Variants in CUL5 observed in about 807,000 individuals in gnomAD.
CUL5 encodes the protein cullin 5.
A neutral mutation model predicts 108.8 loss-of-function variants in CUL5; 26 were observed. The observed-to-expected ratio is 0.24, with a 90% CI of 0.18 to 0.33. CUL5 has a LOEUF of 0.33. CUL5 is among the 10% of genes least tolerant of loss of function. The pLI is 1.00. For missense variants in CUL5, 524 were observed against 909.2 expected (o/e 0.58, Z 5.45); for synonymous variants, 334 against 298.0 (o/e 1.12, Z -1.25).
intron 11 of CUL5, 135 bp downstream of exon 11, chr11:108,078,375 A>G (rs1421960619): frequency 2.2e-6 from 1 of 450,644 alleles, no homozygotes; most frequent in Non-Finnish European, 4.0e-6. Flanking sequence ...GCTTTTGGCT[A>G]TTAAAGTTCA....
intron 7 of CUL5, among the ~76,000 whole-genome samples, chr11:108,068,033 A>G (rs970469634): frequency 2.0e-5 from 3 of 151,972 alleles, no homozygotes; most frequent in South Asian, 2.1e-4. Flanking sequence ...GGTTTAAGCA[A>G]TTCTCCTGCC....
intron 1 of CUL5, among the ~76,000 whole-genome samples, chr11:108,017,389 C>CAAAAA (rs71840119): frequency 1.9e-5 from 2 of 102,944 alleles, no homozygotes; most frequent in African/African-American, 8.1e-5. Context: ...GACCCTGTCT[C>CAAAAA]AAAAAAAAAA....
intron 7 of CUL5, among the ~76,000 whole-genome samples, chr11:108,068,507 A>G (rs1863745952): frequency 1.3e-5 from 2 of 152,126 alleles, no homozygotes; most frequent in East Asian, 3.8e-4. Flanking sequence ...CAATGTAGGA[A>G]GAACAGTATA....
Position 108,009,301 on chromosome 11 carries a change from A to G in CUL5, c.-48A>G. On this transcript the variant is annotated 5_prime_UTR_variant, in exon 1 of 19. Coordinates refer to ENST00000393094, the MANE Select transcript of CUL5 (RefSeq NM_003478.6). Reference sequence around the variant, plus strand: ...GGCCTCCGGTCAAGGCCTGGCCGGGAGCGCCACGAATTCTCGCGTCGTCTC... The same window carrying G: ...GGCCTCCGGTCAAGGCCTGGCCGGGGGCGCCACGAATTCTCGCGTCGTCTC... 6 of 1,610,272 alleles carry G rather than the reference A, an allele frequency of 3.7e-6. No homozygotes were observed. Among genetic ancestry groups the G allele is most frequent in the Middle Eastern group, 1.7e-4 (1 of 5,948 alleles).
intron 1 of CUL5, among the ~76,000 whole-genome samples, chr11:108,013,564 C>T (rs1314898955): frequency 6.6e-6 from 1 of 151,862 alleles, no homozygotes; most frequent in Admixed American, 6.6e-5. Flanking sequence ...TGCCAGAGGT[C>T]GTCATCTCCC....
chr11:108,068,564 T>C (rs1326010337), intron 7 of CUL5, among the ~76,000 whole-genome samples: 1 of 152,202 alleles, frequency 6.6e-6, no homozygotes, highest in African/African-American at 2.4e-5. Flanking sequence ...ACCAACATTA[T>C]GTCAATTCCA....
intron 1 of CUL5, among the ~76,000 whole-genome samples, chr11:108,025,382 G>A (rs918562212): frequency 3.3e-5 from 5 of 152,058 alleles, no homozygotes; most frequent in African/African-American, 1.2e-4. Context: ...TGTTTTAGGG[G>A]CTTGATTTTA....
chr11:108,098,727 T>A (rs959925139), intron 18 of CUL5, among the ~76,000 whole-genome samples, 198 bp downstream of exon 18: 4 of 151,962 alleles, frequency 2.6e-5, no homozygotes, highest in South Asian at 2.1e-4. Context: ...ATCAATTTTT[T>A]AAAAATATAT....
At chr11:108,077,165 A>G (rs1301381025) in intron 10 of CUL5, among the ~76,000 whole-genome samples, 1 of 152,248 alleles carries the variant, frequency 6.6e-6, no homozygotes, top group Non-Finnish European at 1.5e-5. Flanking sequence ...TCATTGTTAG[A>G]AAAATGAGGA....
Position 108,104,400 on chromosome 11 carries a change from A to G in CUL5, c.*16A>G. Reference sequence around the variant, plus strand: ...TATGGCATAATTTTGAATATCATGGACAATATTTAGAACCCAAATTTTGGA... The same window carrying G: ...TATGGCATAATTTTGAATATCATGGGCAATATTTAGAACCCAAATTTTGGA... On this transcript the variant is annotated 3_prime_UTR_variant, in exon 19 of 19. Transcript: ENST00000393094. The G allele has an allele frequency of 6.8e-7, 1 of 1,476,798 alleles. No individual in the cohort carries two copies. Among genetic ancestry groups the G allele is most frequent in the East Asian group, 2.6e-5 (1 of 38,756 alleles). 91.5% of individuals were successfully genotyped at this position (1,476,798 alleles called of 1,614,324 possible). A position where few individuals can be genotyped will look rare whatever the true frequency, so the allele number is the denominator to read the frequency against.
chr11:108,052,711 C>T lies in CUL5; in HGVS notation c.463C>T (p.Leu155Phe). The T allele has an allele frequency of 6.2e-7, 1 of 1,613,328 alleles. No individual in the cohort carries two copies. The highest frequency in any genetic ancestry group is 8.5e-7 in the Non-Finnish European group (1 of 1,179,394). ...AATCTTTTCAAACATAAAAAACAGA[C>T]TCCAAGATAGTGCAATGAAGCTGGT... ...ESIFSNIKNR[L>F]QDSAMKLVHA... is the part of the protein sequence containing the mutation. The change falls in exon 5 of 19, where the codon CTC (leucine) becomes TTC (phenylalanine). Residue 155 changes from leucine (L) to phenylalanine (F), a missense_variant. Leu to Phe is a conservative substitution (Grantham distance 22, BLOSUM62 0). This residue lies in a region of CUL5 where 170 missense variants were observed against 305.1 expected (regional missense o/e 0.56). Transcript: ENST00000393094.
At chr11:108,028,719 C>T (rs928444026) in intron 1 of CUL5, among the ~76,000 whole-genome samples, 1 of 151,914 alleles carries the variant, frequency 6.6e-6, no homozygotes, top group Non-Finnish European at 1.5e-5. Context: ...ACCTGTAATC[C>T]CAGCTAGGGC....
intron 7 of CUL5, among the ~76,000 whole-genome samples, chr11:108,055,400 T>A (rs1374436133): frequency 6.6e-6 from 1 of 152,156 alleles, no homozygotes; most frequent in African/African-American, 2.4e-5. Flanking sequence ...GGGATATTTC[T>A]TCTCCTTCTG....
rs367683942 is a variant in CUL5 at position 108,072,409 on chromosome 11, A to G, written c.952A>G (p.Ile318Val). Reference protein sequence around the residue: ...EPMLKDLEEHIISAGLADMVA... With the variant: ...EPMLKDLEEHVISAGLADMVA... ...AATGTTGAAAGACTTGGAGGAACAT[A>G]TCATTAGTGCTGGCCTGGCAGATAT... Residue 318 changes from isoleucine to valine, a missense_variant, in exon 9 of 19, where the codon ATC becomes GTC. Ile to Val is a conservative substitution (Grantham distance 29). Coordinates refer to ENST00000393094, the MANE Select transcript of CUL5 (RefSeq NM_003478.6). 30 of 1,613,022 alleles carry G rather than the reference A, an allele frequency of 1.9e-5. No homozygotes were observed. Among genetic ancestry groups the G allele is most frequent in the Admixed American group, 8.3e-5 (5 of 59,948 alleles).
In CUL5 at chr11:108,098,500, A is replaced by G; in HGVS notation, c.2119A>G (p.Ile707Val). The G allele has an allele frequency of 6.3e-7, 1 of 1,591,146 alleles. No individual in the cohort carries two copies. The highest frequency in any genetic ancestry group is 8.6e-7 in the Non-Finnish European group (1 of 1,169,164). ...ERMREEENEG[I>V]VQLRILRTQE... is the part of the protein sequence containing the mutation. ...GATGAGAGAAGAAGAGAATGAAGGA[A>G]TAGTTCAACTACGAATACTAAGAAC... is the stretch of plus-strand genomic sequence containing the variant. The change falls in exon 18 of 19, where the codon ATA (isoleucine) becomes GTA (valine). Residue 707 changes from isoleucine (I) to valine (V), a missense_variant. By Grantham distance (29) the Ile-to-Val change is conservative. This residue lies in a region of CUL5 where 66 missense variants were observed against 81.4 expected (regional missense o/e 0.81). Transcript: ENST00000393094.
chr11:108,013,289 G>T (rs752018465), intron 1 of CUL5, among the ~76,000 whole-genome samples: 3 of 151,820 alleles, frequency 2.0e-5, no homozygotes, highest in African/African-American at 7.3e-5. Flanking sequence ...TTCTATCTTT[G>T]TATATTTTTT....
At chr11:108,100,977 G>C (rs560467626) in intron 18 of CUL5, among the ~76,000 whole-genome samples, 47 of 151,882 alleles carry the variant, frequency 3.1e-4, no homozygotes, top group African/African-American at 1.0e-3. Context: ...TGCAGTGAGC[G>C]GAGATCGCGC....
chr11:108,053,310 A>G lies in CUL5; in HGVS notation c.553+509A>G, dbSNP rs568181690. ...TTCACAGTACCTGTGCCTCCTTGGC[A>G]TAGTACTTTTGTTTAATTGTGTTGT... On this transcript the variant is annotated intron_variant, in intron 5 of 18. Coordinates refer to ENST00000393094, the MANE Select transcript of CUL5 (RefSeq NM_003478.6). 4.6e-5 allele frequency among the ~76,000 whole-genome samples: 7 copies of G among 152,258 alleles called. No individual in the cohort carries two copies. In the South Asian group the frequency reaches 1.2e-3, roughly 27 times the overall value.
chr11:108,016,763 C>T (rs1862201755), intron 1 of CUL5, among the ~76,000 whole-genome samples: 1 of 151,972 alleles, frequency 6.6e-6, no homozygotes, highest in Admixed American at 6.6e-5. Flanking sequence ...GAGTTTGATA[C>T]CAGCCTGGGC....
Sources: gnomAD v4.1 joint callset for allele counts (sites outside exome capture counted in the v4.1 genomes callset) on GRCh38, gnomAD v4.1.1 for gene constraint, gnomAD v4.1.1 regional missense constraint, MANE v1.5 for transcripts, NCBI Gene and HGNC (gene_info 2026-07-23, HGNC 2026-07-21) for gene names.